Variants in FGF2 observed in about 807,000 individuals in gnomAD.
The protein encoded by FGF2 is fibroblast growth factor 2.
FGF2 carries 13 observed loss-of-function variants against 15.9 expected under a neutral mutation model. That is an observed-to-expected ratio of 0.82 (90% CI 0.53 to 1.30). FGF2 has a LOEUF of 1.30. FGF2 is among the 50% of genes most tolerant of loss of function. The pLI is 0.00. For synonymous variants in FGF2, 90 were observed against 78.4 expected (o/e 1.15, Z -0.78); for missense variants, 163 against 196.9 (o/e 0.83, Z 1.03).
At chr4:122,891,705 G>A (rs1427622714) in intron 2 of FGF2, among the ~76,000 whole-genome samples, 2 of 149,046 alleles carry the variant, frequency 1.3e-5, no homozygotes, top group Non-Finnish European at 3.0e-5. Context: ...CTCTTCTTGT[G>A]AGTAAAGTAT....
At chr4:122,873,045 A>C (rs941259852) in intron 1 of FGF2, among the ~76,000 whole-genome samples, 1 of 152,216 alleles carries the variant, frequency 6.6e-6, no homozygotes, top group Non-Finnish European at 1.5e-5. Flanking sequence ...TAATTATCCT[A>C]TCTGTCCTTT....
At chr4:122,850,951 A>G (rs919319352) in intron 1 of FGF2, among the ~76,000 whole-genome samples, 2 of 152,124 alleles carry the variant, frequency 1.3e-5, no homozygotes, top group African/African-American at 4.8e-5. Context: ...GCTATTAACT[A>G]TGTCTTTTTA....
At chr4:122,830,413 G>A (rs538480892) in intron 1 of FGF2, among the ~76,000 whole-genome samples, 1 of 149,774 alleles carries the variant, frequency 6.7e-6, no homozygotes, top group South Asian at 2.1e-4. Context: ...CAGTGTTGCT[G>A]AAGGTCAACT....
intron 1 of FGF2, among the ~76,000 whole-genome samples, chr4:122,847,450 C>A (rs1726135638): frequency 6.6e-6 from 1 of 152,072 alleles, no homozygotes; most frequent in African/African-American, 2.4e-5. Context: ...TGGAAGTCAA[C>A]CTGGCTTTGG....
At chr4:122,856,506 T>C (rs1272078735) in intron 1 of FGF2, among the ~76,000 whole-genome samples, 1 of 152,230 alleles carries the variant, frequency 6.6e-6, no homozygotes. Flanking sequence ...AGGAATCTTA[T>C]TTATATTGCT....
intron 1 of FGF2, among the ~76,000 whole-genome samples, chr4:122,861,671 A>C (rs45470198): frequency 6.6e-6 from 1 of 151,986 alleles, no homozygotes. Flanking sequence ...CTTTCATGCT[A>C]TTACACACTA....
In FGF2 at chr4:122,876,433, A is replaced by G. The variant is rs764777933; in HGVS notation, c.282+9A>G. The stretch of plus-strand genomic sequence containing the variant: ...GAAGATTACTGGCTTCTGTAAGCAT[A>G]CTTTCTGTTTTCACACGTTTTTTGT... On this transcript the variant is annotated intron_variant, in intron 2 of 2. Coordinates refer to ENST00000644866, the MANE Select transcript of FGF2 (RefSeq NM_001361665.2). 4.5e-6 allele frequency: 7 copies of G among 1,559,838 alleles called. No individual in the cohort carries two copies. The highest frequency in any genetic ancestry group is 1.7e-4 in the Middle Eastern group (1 of 6,000).
chr4:122,840,617 A>T (rs963311115), intron 1 of FGF2: 1 of 181,182 alleles, frequency 5.5e-6, no homozygotes, highest in Non-Finnish European at 1.2e-5. Context: ...TGTGAAGCCC[A>T]CACGAACCAA....
intron 1 of FGF2, chr4:122,840,441 C>T (rs967217820): frequency 6.6e-6 from 1 of 152,346 alleles, no homozygotes; most frequent in African/African-American, 2.4e-5. Context: ...TGGCCAAGTA[C>T]AAGGCTATTA....
intron 2 of FGF2, chr4:122,888,550 C>G (rs142121581): frequency 6.6e-6 from 1 of 152,206 alleles, no homozygotes; most frequent in Non-Finnish European, 1.5e-5. Context: ...GATCTCATTT[C>G]CTGCTACTCT....
rs1168227898 is a variant in FGF2 at position 122,892,265 on chromosome 4, A to G, written c.337A>G (p.Asn113Asp). The G allele has an allele frequency of 1.2e-6, 2 of 1,613,892 alleles. No individual in the cohort carries two copies. The highest frequency in any genetic ancestry group is 3.3e-5 in the Admixed American group (2 of 60,028). Residue 113 changes from asparagine (N) to aspartate (D), a missense_variant, in exon 3 of 3, where the codon AAT becomes GAT. Transcript: ENST00000644866. ...FFERLESNNY[N>D]TYRSRKYTSW... ...TGAACGATTGGAATCTAATAACTAC[A>G]ATACTTACCGGTCAAGGAAATACAC... is the stretch of plus-strand genomic sequence containing the variant.
intron 1 of FGF2, among the ~76,000 whole-genome samples, chr4:122,863,898 T>G (rs1041779578): frequency 6.6e-6 from 1 of 152,240 alleles, no homozygotes; most frequent in East Asian, 1.9e-4. Context: ...GCTCTGCTCA[T>G]AAGGCCTTTC....
At chr4:122,862,545 T>C (rs1185975434) in intron 1 of FGF2, among the ~76,000 whole-genome samples, 5 of 152,224 alleles carry the variant, frequency 3.3e-5, no homozygotes, top group Non-Finnish European at 7.3e-5. Context: ...GATTTACTTA[T>C]GGTGATCAGA....
intron 1 of FGF2, among the ~76,000 whole-genome samples, chr4:122,866,547 G>A (rs1726595347): frequency 6.6e-6 from 1 of 152,142 alleles, no homozygotes; most frequent in Admixed American, 6.5e-5. Context: ...GTTCTTCAAA[G>A]AAGGTAACCA....
At chr4:122,881,556 A>G (rs1053020594) in intron 2 of FGF2, among the ~76,000 whole-genome samples, 1 of 152,164 alleles carries the variant, frequency 6.6e-6, no homozygotes, top group African/African-American at 2.4e-5. Context: ...CTAAAACATA[A>G]CAAGACTCAC....
intron 1 of FGF2, among the ~76,000 whole-genome samples, chr4:122,849,096 A>G (rs1020754386): frequency 6.6e-6 from 1 of 152,180 alleles, no homozygotes; most frequent in Admixed American, 6.5e-5. Context: ...AAGCTAAAAC[A>G]CCATATCAGA....
At chr4:122,854,040 G>A (rs553868605) in intron 1 of FGF2, among the ~76,000 whole-genome samples, 1 of 152,222 alleles carries the variant, frequency 6.6e-6, no homozygotes, top group African/African-American at 2.4e-5. Context: ...CACAATGAGA[G>A]TACCTGTTTC....
At chr4:122,860,268 C>T (rs1726432976) in intron 1 of FGF2, among the ~76,000 whole-genome samples, 1 of 151,414 alleles carries the variant, frequency 6.6e-6, no homozygotes, top group Non-Finnish European at 1.5e-5. Flanking sequence ...GTAAATAAAC[C>T]GAATTTTTAT....
intron 2 of FGF2, chr4:122,882,545 TTCTA>T (rs1275802050): frequency 6.6e-6 from 1 of 152,260 alleles, no homozygotes; most frequent in Non-Finnish European, 1.5e-5. Flanking sequence ...TTAAATGTGT[TTCTA>T]TCTCTTTGGA....
Sources: gnomAD v4.1 joint callset for allele counts (sites outside exome capture counted in the v4.1 genomes callset) on GRCh38, gnomAD v4.1.1 for gene constraint, MANE v1.5 for transcripts, NCBI Gene and HGNC (gene_info 2026-07-23, HGNC 2026-07-21) for gene names.